DIAPH3: variants seen among roughly 807,000 people sequenced by gnomAD.
DIAPH3 encodes the protein protein diaphanous homolog 3.
Under a neutral mutation model 144.3 loss-of-function variants are expected in DIAPH3, and 117 were observed. That is an observed-to-expected ratio of 0.81 (90% confidence interval 0.70 to 0.95). The LOEUF (loss-of-function observed/expected upper bound fraction) is 0.95. DIAPH3 is among the 40% of genes least tolerant of loss of function. DIAPH3 has a pLI of 0.00. For synonymous variants in DIAPH3, 519 were observed against 488.9 expected (o/e 1.06, Z -0.81); for missense variants, 1,421 against 1,412.7 (o/e 1.01, Z -0.09).
chr13:59,709,287 T>C (rs899999965), intron 27 of DIAPH3, among the ~76,000 whole-genome samples: 3 of 152,114 alleles, frequency 2.0e-5, no homozygotes, highest in Non-Finnish European at 4.4e-5. Context: ...TAAAAGACAC[T>C]ACCATCAGAG....
chr13:60,039,328 G>C (rs772227721), intron 5 of DIAPH3, among the ~76,000 whole-genome samples: 1 of 150,058 alleles, frequency 6.7e-6, no homozygotes, highest in Non-Finnish European at 1.5e-5. Context: ...TTTTGAGATA[G>C]AGTCTCACTC....
At chr13:59,868,148 A>C (rs2044043611) in intron 21 of DIAPH3, among the ~76,000 whole-genome samples, 1 of 152,138 alleles carries the variant, frequency 6.6e-6, no homozygotes, top group African/African-American at 2.4e-5. Flanking sequence ...CATACGTCAA[A>C]AATTTTAAAA....
intron 17 of DIAPH3, among the ~76,000 whole-genome samples, chr13:59,960,144 C>T (rs2049661791): frequency 6.6e-6 from 1 of 152,150 alleles, no homozygotes; most frequent in South Asian, 2.1e-4. Flanking sequence ...AAGTCATATT[C>T]TGAGTTGAAT....
chr13:60,146,043 A>G (rs1484703731), intron 1 of DIAPH3, among the ~76,000 whole-genome samples: 2 of 64,032 alleles, frequency 3.1e-5, no homozygotes, highest in African/African-American at 1.4e-4. Context: ...ATAATTTAAT[A>G]CTACTTATTA....
intron 1 of DIAPH3, among the ~76,000 whole-genome samples, chr13:60,135,505 AG>A (rs946073892): frequency 6.6e-6 from 1 of 152,184 alleles, no homozygotes; most frequent in Non-Finnish European, 1.5e-5. Flanking sequence ...AGAGTCTGAG[AG>A]AAAAGAAGGT....
chr13:60,139,464 T>A (rs2059378548), intron 1 of DIAPH3, among the ~76,000 whole-genome samples: 1 of 152,180 alleles, frequency 6.6e-6, no homozygotes, highest in South Asian at 2.1e-4. Flanking sequence ...GCTTCTCTAC[T>A]GTCATGCACT....
At chr13:59,872,794 G>T (rs763682350) in intron 21 of DIAPH3, among the ~76,000 whole-genome samples, 1 of 152,190 alleles carries the variant, frequency 6.6e-6, no homozygotes, top group Non-Finnish European at 1.5e-5. Flanking sequence ...TAAGCCTGAC[G>T]CCGAGGAGGA....
At chr13:59,820,018 A>G (rs1280132238) in intron 24 of DIAPH3, among the ~76,000 whole-genome samples, 1 of 80,040 alleles carries the variant, frequency 1.2e-5, no homozygotes, top group Non-Finnish European at 2.7e-5. Context: ...TTAGCCCTAT[A>G]TAAATGTTAA....
intron 27 of DIAPH3, among the ~76,000 whole-genome samples, chr13:59,684,674 A>G (rs772708082): frequency 1.8e-4 from 28 of 152,214 alleles, no homozygotes; most frequent in Non-Finnish European, 2.9e-4. Context: ...GTTACAGCAG[A>G]TAGATCAGTA....
chr13:59,848,327 T>C, intron 22 of DIAPH3, among the ~76,000 whole-genome samples: 1 of 150,342 alleles, frequency 6.7e-6, no homozygotes, highest in East Asian at 1.9e-4. Flanking sequence ...TTTTTTTTAA[T>C]TATTATACTT....
intron 1 of DIAPH3, among the ~76,000 whole-genome samples, chr13:60,142,462 C>T (rs1300419025): frequency 7.2e-5 from 11 of 152,044 alleles, no homozygotes; most frequent in Non-Finnish European, 1.3e-4. Context: ...TTTAGCATGT[C>T]TAGAGAAAAA....
intron 17 of DIAPH3, among the ~76,000 whole-genome samples, chr13:59,954,215 C>CA (rs1396321780): frequency 2.6e-5 from 4 of 152,170 alleles, no homozygotes; most frequent in African/African-American, 4.8e-5. Flanking sequence ...CCTTGACAGA[C>CA]AGAGTTTTAA....
chr13:59,829,425 A>G (rs1210876922), intron 24 of DIAPH3, among the ~76,000 whole-genome samples: 2 of 151,866 alleles, frequency 1.3e-5, no homozygotes, highest in African/African-American at 4.8e-5. Flanking sequence ...GACAGCCTGG[A>G]AAGAATCTTA....
chr13:60,080,827 A>T (rs2057533109), intron 4 of DIAPH3, among the ~76,000 whole-genome samples: 1 of 151,942 alleles, frequency 6.6e-6, no homozygotes, highest in South Asian at 2.1e-4. Flanking sequence ...AAAGTAATAC[A>T]AGTATCTGCA....
intron 9 of DIAPH3, among the ~76,000 whole-genome samples, chr13:59,995,305 T>C (rs1236609804): frequency 6.6e-6 from 1 of 151,948 alleles, no homozygotes; most frequent in Non-Finnish European, 1.5e-5. Context: ...CTCTGTGCTC[T>C]AGTTGATGTT....
At chr13:59,926,651 T>C (rs1437936088) in intron 17 of DIAPH3, among the ~76,000 whole-genome samples, 2 of 152,208 alleles carry the variant, frequency 1.3e-5, no homozygotes, top group Non-Finnish European at 2.9e-5. Context: ...CCAAAGTTCC[T>C]GTTGTTGATT....
At chr13:59,834,517 A>G (rs1392872623) in intron 23 of DIAPH3, among the ~76,000 whole-genome samples, 2 of 151,750 alleles carry the variant, frequency 1.3e-5, no homozygotes, top group Admixed American at 6.6e-5. Context: ...TCAGTAGAGG[A>G]TGAAATAAGG....
At chr13:59,904,436 A>T (rs340209) in intron 20 of DIAPH3, among the ~76,000 whole-genome samples, 146,377 of 152,204 alleles carry the variant, frequency 0.96, 70,639 homozygotes, top group Non-Finnish European at 1. Flanking sequence ...TACTTTTTTT[A>T]AAAAGTTTTA....
chr13:59,854,048 T>C (rs913308452), intron 22 of DIAPH3, among the ~76,000 whole-genome samples: 2 of 152,054 alleles, frequency 1.3e-5, no homozygotes, highest in Admixed American at 6.6e-5. Flanking sequence ...GATCTTGAGA[T>C]GAAATCATCC....
Sources: gnomAD v4.1 joint callset for allele counts (sites outside exome capture counted in the v4.1 genomes callset) on GRCh38, gnomAD v4.1.1 for gene constraint, MANE v1.5 for transcripts, NCBI Gene and HGNC (gene_info 2026-07-23, HGNC 2026-07-21) for gene names.